OR2L13: variants seen among roughly 807,000 people sequenced by gnomAD.
OR2L13 encodes the protein olfactory receptor 2L13.
Under a neutral mutation model 15.3 loss-of-function variants are expected in OR2L13, and 14 were observed. The ratio of observed to expected loss-of-function variants is 0.91; its 90% CI spans 0.60 to 1.43. The LOEUF is 1.43. OR2L13 is among the 40% of genes most tolerant of loss of function. The probability of loss-of-function intolerance (pLI) is 0.00; values close to 1 mark genes in which losing one functional copy is unlikely to be tolerated. For missense variants in OR2L13, 367 were observed against 387.9 expected (o/e 0.95, Z 0.45); for synonymous variants, 152 against 142.9 (o/e 1.06, Z -0.45).
At chr1:248,099,673 A>T in exon 3 of OR2L13, 1 of 1,613,966 alleles carries the variant, frequency 6.2e-7, no homozygotes. Flanking sequence ...TGGTGTGCAA[A>T]GCTTCTTCTT....
chr1:248,000,123 G>GGTGT, the OR2L13 span, among the ~76,000 whole-genome samples: 5 of 138,246 alleles, frequency 3.6e-5, no homozygotes, highest in Admixed American at 1.4e-4. Context: ...TTTTTTTTTT[G>GGTGT]GTGTGTGTGT....
chr1:248,022,149 A>G, the OR2L13 span: 4 of 1,613,846 alleles, frequency 2.5e-6, no homozygotes, highest in South Asian at 1.1e-5. Flanking sequence ...GCTCTCCCTC[A>G]TTGACCTAAA....
At chr1:248,053,975 G>C in the OR2L13 span, among the ~76,000 whole-genome samples, 2 of 152,096 alleles carry the variant, frequency 1.3e-5, no homozygotes. Context: ...GATCCCATTT[G>C]TCAATTTTTG....
At chr1:248,004,867 G>T in the OR2L13 span, among the ~76,000 whole-genome samples, 1 of 152,228 alleles carries the variant, frequency 6.6e-6, no homozygotes, top group Admixed American at 6.5e-5. Context: ...CTTTTTCCCA[G>T]TGAACATTCT....
the OR2L13 span, chr1:248,022,156 T>C: frequency 1.1e-5 from 17 of 1,613,862 alleles, no homozygotes; most frequent in Admixed American, 1.7e-5. Flanking sequence ...CTCATTGACC[T>C]AAATTACATC....
At chr1:248,074,472 A>G in the OR2L13 span, among the ~76,000 whole-genome samples, 1 of 152,188 alleles carries the variant, frequency 6.6e-6, no homozygotes, top group African/African-American at 2.4e-5. Flanking sequence ...AAAGGCTTCT[A>G]GAACTGATAA....
chr1:248,085,765 G>T, the OR2L13 span, among the ~76,000 whole-genome samples: 1 of 152,298 alleles, frequency 6.6e-6, no homozygotes, highest in South Asian at 2.1e-4. Context: ...AATGGGGGTT[G>T]TGGGAGAGGG....
At chr1:248,091,337 C>A (rs574915551), upstream of OR2L13, among the ~76,000 whole-genome samples, 1 of 152,100 alleles carries the variant, frequency 6.6e-6, no homozygotes, top group South Asian at 2.1e-4. Flanking sequence ...ATTTTAGTAT[C>A]TTCATTGTAA....
chr1:248,056,612 A>G, the OR2L13 span, among the ~76,000 whole-genome samples: 3 of 150,396 alleles, frequency 2.0e-5, no homozygotes, highest in African/African-American at 7.3e-5. Context: ...TATTATTTAG[A>G]CAGGAGTCAT....
At chr1:248,085,642 A>T in the OR2L13 span, among the ~76,000 whole-genome samples, 2 of 152,022 alleles carry the variant, frequency 1.3e-5, no homozygotes, top group Non-Finnish European at 2.9e-5. Context: ...AAAGCATGGG[A>T]AAAAAAGAAT....
chr1:247,966,163 C>A, the OR2L13 span: 1 of 1,614,154 alleles, frequency 6.2e-7, no homozygotes, highest in African/African-American at 1.3e-5. Context: ...CACAAGGCCA[C>A]ACTCCTTGCG....
chr1:248,035,301 T>G, the OR2L13 span, among the ~76,000 whole-genome samples: 1 of 151,946 alleles, frequency 6.6e-6, no homozygotes, highest in East Asian at 1.9e-4. Context: ...ATACAAAAAT[T>G]TAGCCAGCTT....
the OR2L13 span, chr1:247,948,856 C>T: frequency 6.3e-7 from 1 of 1,597,234 alleles, no homozygotes; most frequent in East Asian, 2.2e-5. Flanking sequence ...TAGGAATGCT[C>T]CATGGAAAAT....
rs1444731970 is a variant in OR2L13 at position 248,099,486 on chromosome 1, C to T, written c.111C>T (p.Ala37=). The T allele has an allele frequency of 1.9e-6, 3 of 1,613,708 alleles. No individual in the cohort carries two copies. The South Asian group carries it at 3.3e-5, about 18-fold the overall frequency. The change falls in exon 3 of 3, where the codon GCC becomes GCT. Residue 37 remains alanine (A), a synonymous_variant. Coordinates refer to ENST00000641714, the Ensembl canonical transcript of OR2L13. ...TTATCATCCTCATATTCTTTCTGGC[C>T]TCGGTGGGTAACTCGGCCATGATTC... is the stretch of plus-strand genomic sequence containing the variant.
the OR2L13 span, among the ~76,000 whole-genome samples, chr1:247,947,763 C>T: frequency 6.6e-6 from 1 of 151,950 alleles, no homozygotes. Context: ...TATGACTTTC[C>T]GTAAAAGGGA....
intron 1 of OR2L13, among the ~76,000 whole-genome samples, chr1:248,098,426 T>C (rs1034753217): frequency 6.6e-6 from 1 of 152,208 alleles, no homozygotes; most frequent in Admixed American, 6.5e-5. Flanking sequence ...TGTGATCCCA[T>C]TTGGCATCCA....
At chr1:247,948,955 T>C in the OR2L13 span, 2 of 1,613,930 alleles carry the variant, frequency 1.2e-6, no homozygotes, top group Non-Finnish European at 1.7e-6. Flanking sequence ...ATTGTTTTCA[T>C]TTTCCTGATG....
the OR2L13 span, among the ~76,000 whole-genome samples, chr1:247,957,931 CT>C: frequency 1.3e-5 from 2 of 151,908 alleles, no homozygotes; most frequent in Admixed American, 1.3e-4. Context: ...GTTTTTGTGC[CT>C]CTATTTCCTT....
chr1:247,968,674 G>A, the OR2L13 span, among the ~76,000 whole-genome samples: 5 of 151,952 alleles, frequency 3.3e-5, no homozygotes, highest in East Asian at 3.9e-4. Flanking sequence ...GGACATGAAC[G>A]CATCCTTTTT....
Sources: allele counts gnomAD v4.1 joint callset (sites outside exome capture counted in the v4.1 genomes callset), GRCh38; gene constraint gnomAD v4.1.1; transcripts MANE v1.5; gene names NCBI Gene and HGNC (gene_info 2026-07-23, HGNC 2026-07-21).